Variants in BLVRA observed in about 807,000 individuals in gnomAD.
BLVRA encodes the protein biliverdin reductase A.
In BLVRA, 22 loss-of-function variants were observed where a neutral mutation model predicts 32.8. The ratio of observed to expected loss-of-function variants is 0.67; its 90% CI spans 0.48 to 0.96. The LOEUF (loss-of-function observed/expected upper bound fraction) is 0.96, where lower values mean the gene tolerates loss of function less well. BLVRA is among the 40% of genes least tolerant of loss of function. The pLI is 0.00. For missense variants in BLVRA, 323 were observed against 358.1 expected, an observed-to-expected ratio of 0.90 and a Z score of 0.79; for synonymous variants, 119 against 141.3, an observed-to-expected ratio of 0.84 and a Z score of 1.12.
Position 43,803,612 on chromosome 7 carries a change from CT to C in BLVRA, c.461-63del, listed in dbSNP as rs551446610. 1,172 of 1,494,836 alleles carry C rather than the reference CT, an allele frequency of 7.8e-4. 2 individuals are homozygous for C. Among genetic ancestry groups the C allele is most frequent in the Admixed American group, 9.8e-4 (58 of 59,090 alleles). The allele number at this position is 1,494,836 out of a possible 1,614,324, so 92.6% of individuals were successfully genotyped here. On this transcript the variant is annotated intron_variant, in intron 6 of 7. Coordinates refer to ENST00000265523, the MANE Select transcript of BLVRA (RefSeq NM_000712.4). ...TCACACCCCCGCCACCCCCACCCCC[CT>C]GTCCTGCTTTCCACTTGGCATTCCT...
At chr7:43,783,775 T>A (rs933164330) in intron 2 of BLVRA, among the ~76,000 whole-genome samples, 2 of 152,184 alleles carry the variant, frequency 1.3e-5, no homozygotes, top group African/African-American at 4.8e-5. Context: ...CATACCTGTT[T>A]CCCCAGGCCA....
At chr7:43,794,844 A>G (rs2095789974) in intron 5 of BLVRA, among the ~76,000 whole-genome samples, 1 of 152,254 alleles carries the variant, frequency 6.6e-6, no homozygotes, top group African/African-American at 2.4e-5. Context: ...TAACATTAAT[A>G]GCAAAATGGG....
chr7:43,763,504 C>T (rs1000436660), intron 1 of BLVRA, among the ~76,000 whole-genome samples: 3 of 151,994 alleles, frequency 2.0e-5, no homozygotes, highest in Admixed American at 6.6e-5. Context: ...GGTTGGGGCA[C>T]GGGGGGCGCT....
At chr7:43,785,002 G>GT (rs1294744181) in intron 2 of BLVRA, among the ~76,000 whole-genome samples, 2 of 152,128 alleles carry the variant, frequency 1.3e-5, no homozygotes, top group Admixed American at 1.3e-4. Flanking sequence ...CTGACACACT[G>GT]TGCAAGCCAG....
rs1416003688 is a variant in BLVRA, at chr7:43,771,985, C to T, written c.12+815C>T. On this transcript the variant is annotated intron_variant, in intron 2 of 7. Transcript: ENST00000265523. ...AGGAAAATGTAAACATTCCATCTGA[C>T]ATCATCTCCCTCAATTCCTGCCTCT... 3.9e-5 allele frequency among the ~76,000 whole-genome samples: 6 copies of T among 152,246 alleles called. No homozygotes were observed. The East Asian group carries it at 1.2e-3, about 29-fold the overall frequency.
At chr7:43,800,739 A>G (rs1306703303) in intron 6 of BLVRA, among the ~76,000 whole-genome samples, 167 bp downstream of exon 6, 1 of 152,178 alleles carries the variant, frequency 6.6e-6, no homozygotes, top group Non-Finnish European at 1.5e-5. Flanking sequence ...GCCCTTGGGT[A>G]AAGAGTATGT....
rs11973765 is a variant in BLVRA, at chr7:43,783,965, A to T, written c.13-3939A>T. Among the ~76,000 whole-genome samples the T allele has an allele frequency of 4.7e-3, 718 of 151,748 alleles. 6 individuals carry two copies. Among genetic ancestry groups the T allele is most frequent in the African/African-American group, 0.015 (633 of 41,438 alleles). ...TTCTACCCTCTTTATCTCAAAAAAA[A>T]TTTTTTTTCTAAGTTGGCAGAGCAC... On this transcript the variant is annotated intron_variant, in intron 2 of 7. Transcript: ENST00000265523.
At chr7:43,771,366 T>A (rs963415246) in intron 2 of BLVRA, among the ~76,000 whole-genome samples, 196 bp downstream of exon 2, 4 of 152,198 alleles carry the variant, frequency 2.6e-5, no homozygotes, top group African/African-American at 7.2e-5. Flanking sequence ...TCTGTGTCTG[T>A]CTGGCTTCAT....
chr7:43,772,025 C>G (rs540350775), intron 2 of BLVRA, among the ~76,000 whole-genome samples: 1 of 152,340 alleles, frequency 6.6e-6, no homozygotes, highest in East Asian at 1.9e-4. Flanking sequence ...TTGTCCTGTT[C>G]CTCCTGTCAC....
intron 2 of BLVRA, among the ~76,000 whole-genome samples, chr7:43,777,932 CAT>C (rs1265620245): frequency 4.5e-4 from 69 of 152,340 alleles, no homozygotes; most frequent in African/African-American, 1.6e-3. Flanking sequence ...CAGTTGATCG[CAT>C]TGGCTCCTGA....
intron 5 of BLVRA, among the ~76,000 whole-genome samples, chr7:43,797,053 C>A (rs915773269): frequency 1.3e-5 from 2 of 152,138 alleles, no homozygotes; most frequent in Admixed American, 6.5e-5. Context: ...GGAAGCAAGA[C>A]CTTCCTTCAG....
At chr7:43,762,255 G>C (rs2095743143) in intron 1 of BLVRA, among the ~76,000 whole-genome samples, 1 of 152,020 alleles carries the variant, frequency 6.6e-6, no homozygotes, top group Non-Finnish European at 1.5e-5. Context: ...AAGGTGTCCT[G>C]TGCATCACAG....
At chr7:43,760,663 T>A (rs2095741206) in intron 1 of BLVRA, among the ~76,000 whole-genome samples, 1 of 152,156 alleles carries the variant, frequency 6.6e-6, no homozygotes, top group Admixed American at 6.5e-5. Context: ...TAGTGAAACT[T>A]TCCATTAATG....
chr7:43,758,658 A>C (rs536014836), upstream of BLVRA: 1 of 152,582 alleles, frequency 6.6e-6, no homozygotes, highest in African/African-American at 2.4e-5. Context: ...CGGGCAGCCA[A>C]TCGGAGCTGG....
rs146000661 is a variant in BLVRA, at chr7:43,773,312, C to T, written c.12+2142C>T. Reference sequence around the variant, plus strand: ...TCTCCCCCCACCCCACAACAGTCCCCGGAGTTCGATGTTCCCCTTCCTGTG... The same window carrying T: ...TCTCCCCCCACCCCACAACAGTCCCTGGAGTTCGATGTTCCCCTTCCTGTG... On this transcript the variant is annotated intron_variant, in intron 2 of 7. Coordinates refer to ENST00000265523, the MANE Select transcript of BLVRA (RefSeq NM_000712.4). Among the ~76,000 whole-genome samples the T allele has an allele frequency of 7.5e-3, 1,145 of 151,962 alleles. 4 individuals are homozygous for T. The highest frequency in any genetic ancestry group is 0.011 in the Non-Finnish European group (756 of 67,966).
intron 1 of BLVRA, among the ~76,000 whole-genome samples, chr7:43,769,195 T>G (rs1459656406): frequency 6.6e-6 from 1 of 152,016 alleles, no homozygotes; most frequent in Non-Finnish European, 1.5e-5. Flanking sequence ...GCCTGGCTAA[T>G]TTTTTAATTT....
At chr7:43,771,705 A>G (rs919223505) in intron 2 of BLVRA, among the ~76,000 whole-genome samples, 9 of 152,180 alleles carry the variant, frequency 5.9e-5, no homozygotes, top group African/African-American at 1.9e-4. Context: ...GTCCATCCAC[A>G]TGGCAAACAC....
At chr7:43,768,793 G>C (rs1384457719) in intron 1 of BLVRA, among the ~76,000 whole-genome samples, 1 of 152,142 alleles carries the variant, frequency 6.6e-6, no homozygotes, top group African/African-American at 2.4e-5. Flanking sequence ...CAGGTAGCCA[G>C]GGGAGGGCGA....
At chr7:43,758,970 A>G (rs960608666) in intron 1 of BLVRA, among the ~76,000 whole-genome samples, 1 of 152,192 alleles carries the variant, frequency 6.6e-6, no homozygotes, top group African/African-American at 2.4e-5. Flanking sequence ...GGCTTTCTCA[A>G]CTACACAAAA....
Sources: gnomAD v4.1 joint callset for allele counts (sites outside exome capture counted in the v4.1 genomes callset) on GRCh38, gnomAD v4.1.1 for gene constraint, MANE v1.5 for transcripts, NCBI Gene and HGNC (gene_info 2026-07-23, HGNC 2026-07-21) for gene names.